The following FDFT1 variants were observed in gnomAD, a reference collection of about 807,000 sequenced individuals.
The protein encoded by FDFT1 is farnesyl-diphosphate farnesyltransferase 1, also known as squalene synthase.
In FDFT1, 68 loss-of-function variants were observed where a neutral mutation model predicts 46.8. The observed-to-expected ratio is 1.45, with a 90% CI of 1.19 to 1.78. The LOEUF is 1.78. Ranked by LOEUF, FDFT1 falls within the 40% of genes most tolerant of loss-of-function variation. FDFT1 has a pLI of 0.00. For synonymous variants in FDFT1, 351 were observed against 185.1 expected (o/e 1.90, Z -7.28); for missense variants, 928 against 524.4 (o/e 1.77, Z -7.52).
chr8:11,817,330 C>G (rs936645958), intron 3 of FDFT1, among the ~76,000 whole-genome samples: 1 of 152,136 alleles, frequency 6.6e-6, no homozygotes, highest in East Asian at 1.9e-4. Context: ...CTAAAATTCT[C>G]TTTTTTTATT....
intron 6 of FDFT1, 150 bp from the exon 7 acceptor site, chr8:11,831,368 C>A (rs886443918): frequency 1.9e-5 from 12 of 632,670 alleles, no homozygotes; most frequent in Admixed American, 3.0e-5. Context: ...GACATACTTT[C>A]TTCGTGGGTA....
At chr8:11,823,234 C>A (rs886865020) in intron 4 of FDFT1, among the ~76,000 whole-genome samples, 1 of 152,256 alleles carries the variant, frequency 6.6e-6, no homozygotes, top group Non-Finnish European at 1.5e-5. Context: ...GGATTACAGG[C>A]ATGACCAGCC....
chr8:11,803,247 A>G, intron 1 of FDFT1: 1 of 1,371,516 alleles, frequency 7.3e-7, no homozygotes, highest in Non-Finnish European at 9.6e-7. Flanking sequence ...CGAGGGTTAC[A>G]CATCTGAGGC....
chr8:11,806,383 C>T (rs1585864482), intron 1 of FDFT1, among the ~76,000 whole-genome samples: 1 of 152,100 alleles, frequency 6.6e-6, no homozygotes, highest in Non-Finnish European at 1.5e-5. Context: ...CTAGTTGTGT[C>T]TTCCTGTTTT....
In FDFT1 at chr8:11,806,661, G is replaced by C. The variant is rs113853968; in HGVS notation, c.100-2133G>C. Among the ~76,000 whole-genome samples, 474 of 152,286 alleles carry C rather than the reference G, an allele frequency of 3.1e-3. 4 individuals are homozygous for C. Among genetic ancestry groups the C allele is most frequent in the African/African-American group, 1.0e-2 (415 of 41,552 alleles). ...GTTGGACTGAACATGACATTTGGCA[G>C]TGCAGTTAAAAACACTTCCTGCTGT... On this transcript the variant is annotated intron_variant, in intron 1 of 7. Transcript: ENST00000220584.
intron 1 of FDFT1, among the ~76,000 whole-genome samples, chr8:11,804,600 CT>C (rs5889385): frequency 1.1e-3 from 103 of 97,354 alleles, no homozygotes; most frequent in African/African-American, 3.2e-3. Flanking sequence ...CTTAGTTTCT[CT>C]TTTTTTTTTT....
At position 11,839,120 on chromosome 8, in the gene FDFT1, A is replaced by T. The variant is rs919474346; in HGVS notation, c.*511A>T. 1 of 155,544 alleles carries T rather than the reference A, an allele frequency of 6.4e-6. No individual in the cohort carries two copies. Among genetic ancestry groups the T allele is most frequent in the Non-Finnish European group, 1.4e-5 (1 of 69,832 alleles). 9.6% of individuals were successfully genotyped at this position (155,544 alleles called of 1,614,324 possible). On this transcript the variant is annotated 3_prime_UTR_variant, in exon 8 of 8. Coordinates refer to ENST00000220584, the MANE Select transcript of FDFT1 (RefSeq NM_004462.5). ...CAGTTAGATGTTTCCTAAGAATGCA[A>T]ACTGCCTTTTCCACACAAAGGCTGG... is the stretch of plus-strand genomic sequence containing the variant.
chr8:11,821,332 C>T (rs866671364), intron 3 of FDFT1, among the ~76,000 whole-genome samples: 15 of 152,166 alleles, frequency 9.9e-5, no homozygotes, highest in African/African-American at 3.4e-4. Context: ...GTGGCTTATG[C>T]CTGTAATCCC....
At chr8:11,835,795 C>A (rs1026722953) in intron 7 of FDFT1, among the ~76,000 whole-genome samples, 2 of 151,876 alleles carry the variant, frequency 1.3e-5, no homozygotes, top group African/African-American at 4.8e-5. Context: ...TTTATTTGTA[C>A]ATTGCTTGTA....
chr8:11,821,101 C>T (rs974522942), intron 3 of FDFT1, among the ~76,000 whole-genome samples: 1 of 152,158 alleles, frequency 6.6e-6, no homozygotes, highest in Non-Finnish European at 1.5e-5. Context: ...CATGTTTGCA[C>T]AAATGAATCT....
intron 3 of FDFT1, among the ~76,000 whole-genome samples, chr8:11,820,253 T>C (rs1245981769): frequency 1.3e-5 from 2 of 152,126 alleles, no homozygotes; most frequent in East Asian, 1.9e-4. Context: ...ATGAGGTGTC[T>C]GTCGGCCCCT....
At chr8:11,806,504 C>G (rs1300411646) in intron 1 of FDFT1, among the ~76,000 whole-genome samples, 1 of 152,122 alleles carries the variant, frequency 6.6e-6, no homozygotes. Flanking sequence ...GCTTGGCTTG[C>G]TCTCTTTCAG....
chr8:11,834,988 G>A (rs1472380351), intron 7 of FDFT1, among the ~76,000 whole-genome samples: 1 of 152,188 alleles, frequency 6.6e-6, no homozygotes, highest in Non-Finnish European at 1.5e-5. Flanking sequence ...GCCAGGTGTG[G>A]TGGTGCACAC....
rs1046271825 is a variant in FDFT1, at chr8:11,809,939, G to A, written c.381+89G>A. 18 of 990,502 alleles carry A rather than the reference G, an allele frequency of 1.8e-5. No individual in the cohort carries two copies. In the Admixed American group the frequency reaches 2.5e-4, roughly 14 times the overall value. 61.4% of individuals were successfully genotyped at this position (990,502 alleles called of 1,614,324 possible). On this transcript the variant is annotated intron_variant, in intron 3 of 7. Coordinates refer to ENST00000220584, the MANE Select transcript of FDFT1 (RefSeq NM_004462.5). ...GGTAGCCTCCATACATGTGGAGAAA[G>A]GTTAAATAAGCATTCTGAGGGCAGC...
chr8:11,799,617 G>A (rs564883102), upstream of FDFT1, among the ~76,000 whole-genome samples: 11 of 152,308 alleles, frequency 7.2e-5, no homozygotes, highest in Admixed American at 4.6e-4. Context: ...CTCCTGTCCC[G>A]TTATTTGAAA....
At chr8:11,803,143 G>T in intron 1 of FDFT1, 1 of 1,426,348 alleles carries the variant, frequency 7.0e-7, no homozygotes, top group Admixed American at 2.6e-5. Context: ...CCCGCAAGCC[G>T]CCCTGGGCAT....
upstream of FDFT1, chr8:11,801,769 C>CT: frequency 2.8e-6 from 1 of 361,246 alleles, no homozygotes; most frequent in Non-Finnish European, 5.4e-6. Flanking sequence ...TCTTGGCTCA[C>CT]TGCAAACTCC....
At chr8:11,819,533 T>A (rs965887109) in intron 3 of FDFT1, among the ~76,000 whole-genome samples, 1 of 151,748 alleles carries the variant, frequency 6.6e-6, no homozygotes, top group African/African-American at 2.4e-5. Context: ...ATTGAAGCCT[T>A]TGTTCATTTC....
chr8:11,807,072 G>T (rs141935789), intron 1 of FDFT1, among the ~76,000 whole-genome samples: 3 of 145,336 alleles, frequency 2.1e-5, no homozygotes, highest in African/African-American at 7.3e-5. Context: ...AGAGCCCAGG[G>T]TTCACTGTTA....
Sources: allele counts gnomAD v4.1 joint callset (sites outside exome capture counted in the v4.1 genomes callset), GRCh38; gene constraint gnomAD v4.1.1; transcripts MANE v1.5; gene names NCBI Gene and HGNC (gene_info 2026-07-23, HGNC 2026-07-21).